The following PHF3 variants were observed in gnomAD, a reference collection of about 807,000 sequenced individuals.
PHF3 encodes the protein PHD finger protein 3.
A neutral mutation model predicts 178.4 loss-of-function variants in PHF3; 41 were observed. The ratio of observed to expected loss-of-function variants is 0.23; its 90% confidence interval spans 0.18 to 0.30. The LOEUF is 0.30. PHF3 is among the 10% of genes least tolerant of loss of function. The pLI, the probability that PHF3 is intolerant of heterozygous loss-of-function variation, is 1.00. For synonymous variants in PHF3, 842 were observed against 800.5 expected, an observed-to-expected ratio of 1.05 and a Z score of -0.88; for missense variants, 2,346 against 2,398.1, an observed-to-expected ratio of 0.98 and a Z score of 0.45.
At position 63,720,874 on chromosome 6, in the gene PHF3, G is replaced by T. The variant is rs1452044257; in HGVS notation, c.*7166G>T. ...TTTATGTAGGCCTTGATAAGAGTCTGATTTTGAATTACAACTACATGGTGC... is the reference window on the plus strand; with the variant it reads ...TTTATGTAGGCCTTGATAAGAGTCTTATTTTGAATTACAACTACATGGTGC... On this transcript the variant is annotated 3_prime_UTR_variant, in exon 16 of 16. Transcript: ENST00000262043. 6.4e-7 allele frequency: 1 copy of T among 1,551,000 alleles called. No homozygotes were observed. Among genetic ancestry groups the T allele is most frequent in the Admixed American group, 2.0e-5 (1 of 50,952 alleles).
At chr6:63,707,025 A>C (rs1767722993) in intron 13 of PHF3, 149 bp downstream of exon 13, 3 of 700,190 alleles carry the variant, frequency 4.3e-6, no homozygotes, top group Admixed American at 5.9e-5. Context: ...ATGAATTAAC[A>C]AATGGATCTT....
At position 63,685,062 on chromosome 6, in the gene PHF3, A is replaced by G; in HGVS notation, c.1340A>G (p.Asn447Ser). 1.2e-6 allele frequency: 2 copies of G among 1,614,114 alleles called. No individual in the cohort carries two copies. Among genetic ancestry groups the G allele is most frequent in the Non-Finnish European group, 1.7e-6 (2 of 1,179,982 alleles). The change falls in exon 4 of 16, where the codon AAT becomes AGT. Residue 447 changes from asparagine to serine, a missense_variant. By Grantham distance (46) the Asn-to-Ser change is conservative. Coordinates refer to ENST00000262043, the MANE Select transcript of PHF3 (RefSeq NM_001370348.2). ...ENAICDVPDQ[N>S]SKQLNAIEST... ...GCTATTTGTGATGTGCCTGACCAAAATTCAAAACAGTTGAATGCTATAGAA... is the reference window on the plus strand; with the variant it reads ...GCTATTTGTGATGTGCCTGACCAAAGTTCAAAACAGTTGAATGCTATAGAA...
In PHF3 at chr6:63,721,028, A is replaced by G. The variant is rs1768361929; in HGVS notation, c.*7320A>G. Reference sequence around the variant, plus strand: ...CCAGAAAATCATTTTCTTCATTTTGAGCTATTCCCATCCATACAATTAGAC... The same window carrying G: ...CCAGAAAATCATTTTCTTCATTTTGGGCTATTCCCATCCATACAATTAGAC... On this transcript the variant is annotated 3_prime_UTR_variant, in exon 16 of 16. Transcript: ENST00000262043. 1.3e-6 allele frequency: 2 copies of G among 1,551,186 alleles called. No individual in the cohort carries two copies. Among genetic ancestry groups the G allele is most frequent in the Non-Finnish European group, 1.7e-6 (2 of 1,146,782 alleles).
intron 2 of PHF3, among the ~76,000 whole-genome samples, chr6:63,668,425 C>G (rs942409942): frequency 6.6e-6 from 1 of 152,176 alleles, no homozygotes; most frequent in African/African-American, 2.4e-5. Context: ...CCTCGACCTC[C>G]TGGGCTTAAG....
At chr6:63,709,931 A>C (rs773396599) in intron 14 of PHF3, among the ~76,000 whole-genome samples, 7 of 152,064 alleles carry the variant, frequency 4.6e-5, no homozygotes, top group Non-Finnish European at 8.8e-5. Flanking sequence ...TTCTTTTTTT[A>C]ACTTATAGAA....
chr6:63,694,786 A>G, intron 6 of PHF3, 22 bp downstream of exon 6: 1 of 1,312,622 alleles, frequency 7.6e-7, no homozygotes, highest in Non-Finnish European at 1.0e-6. Context: ...AACAGAAAAA[A>G]TTATATACTA....
At chr6:63,710,592 A>G (rs1350608364) in intron 14 of PHF3, among the ~76,000 whole-genome samples, 2 of 152,232 alleles carry the variant, frequency 1.3e-5, no homozygotes, top group African/African-American at 4.8e-5. Flanking sequence ...GGCAAGCAAG[A>G]AAATTCCTAA....
rs115524485 is a variant in PHF3 at position 63,713,333 on chromosome 6, G to A, written c.5745G>A (p.Arg1915=). ...AGCAACTGGATAGGCCATTTAATAG[G>A]GGTAAAGGGGACCGCCAGAGATTTT... ...DQQQLDRPFN[R]GKGDRQRFYS... Residue 1915 remains arginine, a synonymous_variant, in exon 16 of 16, where the codon AGG becomes AGA. Coordinates refer to ENST00000262043, the MANE Select transcript of PHF3 (RefSeq NM_001370348.2). 1.2e-3 allele frequency: 1,974 copies of A among 1,613,986 alleles called. 23 individuals are homozygous for A. The African/African-American group carries it at 0.022, about 18-fold the overall frequency.
In PHF3 at chr6:63,712,794, G is replaced by A. The variant is rs1473969256; in HGVS notation, c.5206G>A (p.Ala1736Thr). The A allele has an allele frequency of 6.2e-7, 1 of 1,613,984 alleles. No homozygotes were observed. Among genetic ancestry groups the A allele is most frequent in the Non-Finnish European group, 8.5e-7 (1 of 1,179,966 alleles). ...CATACAGACTTCTCAAGCAGAACAA[G>A]CAAAACCCTTACAGGAGGATATTTT... ...ENIQTSQAEQAKPLQEDILMQ... is the reference protein window; with the variant it reads ...ENIQTSQAEQTKPLQEDILMQ... The change falls in exon 16 of 16, where the codon GCA (alanine) becomes ACA (threonine). Residue 1736 changes from alanine (A) to threonine (T), a missense_variant. Coordinates refer to ENST00000262043, the MANE Select transcript of PHF3 (RefSeq NM_001370348.2).
intron 4 of PHF3, 41 bp downstream of exon 4, chr6:63,685,952 A>G: frequency 6.9e-7 from 1 of 1,445,198 alleles, no homozygotes; most frequent in Non-Finnish European, 9.5e-7. Context: ...TACATTGAAA[A>G]TAAATTGCTT....
chr6:63,648,263 T>A (rs1018639306), intron 2 of PHF3, among the ~76,000 whole-genome samples: 5 of 152,230 alleles, frequency 3.3e-5, no homozygotes, highest in Non-Finnish European at 7.3e-5. Context: ...TTGTTCAAGT[T>A]TTTTACTTTG....
chr6:63,721,410 C>T lies in PHF3; in HGVS notation c.*7702C>T, dbSNP rs1163588858. 1 of 1,551,614 alleles carries T rather than the reference C, an allele frequency of 6.4e-7. No individual in the cohort carries two copies. The highest frequency in any genetic ancestry group is 2.4e-5 in the East Asian group (1 of 40,932). On this transcript the variant is annotated 3_prime_UTR_variant, in exon 16 of 16. Coordinates refer to ENST00000262043, the MANE Select transcript of PHF3 (RefSeq NM_001370348.2). ...GTTGTACCCACAGGCTGTCCCATCACAGTCACCTACATTTGAGCCACCTTT... is the reference window on the plus strand; with the variant it reads ...GTTGTACCCACAGGCTGTCCCATCATAGTCACCTACATTTGAGCCACCTTT...
At chr6:63,680,602 G>C (rs533538285) in intron 3 of PHF3, among the ~76,000 whole-genome samples, 1 of 151,950 alleles carries the variant, frequency 6.6e-6, no homozygotes, top group Non-Finnish European at 1.5e-5. Context: ...TATGCTATTA[G>C]AGATGATACA....
At chr6:63,687,070 A>G (rs1167840294) in intron 4 of PHF3, among the ~76,000 whole-genome samples, 3 of 152,240 alleles carry the variant, frequency 2.0e-5, no homozygotes, top group Non-Finnish European at 2.9e-5. Flanking sequence ...GTTTGAATAC[A>G]GTGCTACATT....
At position 63,685,631 on chromosome 6, in the gene PHF3, A is replaced by G. The variant is rs375636945; in HGVS notation, c.1909A>G (p.Met637Val). Residue 637 changes from methionine to valine, a missense_variant, in exon 4 of 16, where the codon ATG becomes GTG. By Grantham distance (21) the Met-to-Val change is conservative (BLOSUM62 1). Around this residue, in one of 8 missense-constraint regions of PHF3, gnomAD observed 843 missense variants for 795.2 expected, o/e 1.06. Transcript: ENST00000262043. ...CHKPQQQAPA[M>V]KTNSHVKEEL... is the part of the protein sequence containing the mutation. ...TAAGCCTCAGCAACAGGCCCCAGCA[A>G]TGAAAACCAATAGTCACGTGAAGGA... The G allele has an allele frequency of 6.6e-5, 106 of 1,614,026 alleles. No homozygotes were observed. The highest frequency in any genetic ancestry group is 8.1e-5 in the Non-Finnish European group (95 of 1,180,026).
intron 6 of PHF3, among the ~76,000 whole-genome samples, chr6:63,695,683 G>A (rs1477469271): frequency 2.6e-5 from 4 of 152,114 alleles, no homozygotes; most frequent in Non-Finnish European, 4.4e-5. Context: ...TGATTAGTCC[G>A]TAGCAATATC....
At chr6:63,666,755 CTTTT>C (rs1050386767) in intron 2 of PHF3, among the ~76,000 whole-genome samples, 1 of 142,802 alleles carries the variant, frequency 7.0e-6, no homozygotes. Flanking sequence ...TGTCCCCCTC[CTTTT>C]TTTTTTTTTT....
In PHF3 at chr6:63,716,047, AC is replaced by A. The variant is rs746833316; in HGVS notation, c.*2341del. 2.8e-4 allele frequency among the ~76,000 whole-genome samples: 43 copies of A among 152,182 alleles called. No homozygotes were observed. Among genetic ancestry groups the A allele is most frequent in the Non-Finnish European group, 5.9e-4 (40 of 68,016 alleles). On this transcript the variant is annotated 3_prime_UTR_variant, in exon 16 of 16. Coordinates refer to ENST00000262043, the MANE Select transcript of PHF3 (RefSeq NM_001370348.2). The stretch of plus-strand genomic sequence containing the variant: ...GGTAAAAGTACCAGGGCATCTCAGT[AC>A]CTGTAAAGTTCACCCCATGTAATCT...
Position 63,718,021 on chromosome 6 carries a change from G to A in PHF3, c.*4313G>A, listed in dbSNP as rs1254579390. Among the ~76,000 whole-genome samples the A allele has an allele frequency of 2.0e-5, 3 of 151,962 alleles. No individual in the cohort carries two copies. The highest frequency in any genetic ancestry group is 4.8e-5 in the African/African-American group (2 of 41,418). On this transcript the variant is annotated 3_prime_UTR_variant, in exon 16 of 16. Transcript: ENST00000262043. ...GGAAAAGCATTTCACATAGGAAATC[G>A]TCAACACCATTATCACCAGGATAGC...
Sources: allele counts gnomAD v4.1 joint callset (sites outside exome capture counted in the v4.1 genomes callset), GRCh38; gene constraint gnomAD v4.1.1; regional missense constraint gnomAD v4.1.1; transcripts MANE v1.5; gene names NCBI Gene and HGNC (gene_info 2026-07-23, HGNC 2026-07-21).